Variants in PDE4C observed in about 807,000 individuals in gnomAD.
PDE4C encodes the protein phosphodiesterase 4C.
A neutral mutation model predicts 63.9 loss-of-function variants in PDE4C; 50 were observed. The ratio of observed to expected loss-of-function variants is 0.78; its 90% CI spans 0.62 to 0.99. The LOEUF (loss-of-function observed/expected upper bound fraction) is 0.99. Among genes scored for constraint, PDE4C ranks in the 50% least tolerant of loss-of-function variants. The probability of loss-of-function intolerance (pLI) is 0.00; values close to 1 mark genes in which losing one functional copy is unlikely to be tolerated. For missense variants in PDE4C, 777 were observed against 899.1 expected (o/e 0.86, Z 1.74); for synonymous variants, 377 against 385.1 (o/e 0.98, Z 0.25).
intron 1 of PDE4C, among the ~76,000 whole-genome samples, chr19:18,232,074 T>C (rs62120395): frequency 0.29 from 43,285 of 151,838 alleles, 6,316 homozygotes; most frequent in Middle Eastern, 0.33. Context: ...ATCTATAATA[T>C]ATTAAATAGG....
At chr19:18,233,076 G>T (rs867886084) in exon 1 of PDE4C, 1 of 1,570,444 alleles carries the variant, frequency 6.4e-7, no homozygotes, top group East Asian at 2.3e-5. Context: ...GATGCGGATG[G>T]GGCGCCGGGG....
rs1969111660 is a variant in PDE4C, at chr19:18,245,354, AG to A, written c.-210+2816del. Among the ~76,000 whole-genome samples, 7 of 151,868 alleles carry A rather than the reference AG, an allele frequency of 4.6e-5. No individual in the cohort carries two copies. The South Asian group carries it at 1.5e-3, about 32-fold the overall frequency. ...TATTTTTTGTATTTTTAGTAGAGAC[AG>A]GGTTTCTCCAGGTTGGCGAGGCTGG... On this transcript the variant is annotated intron_variant, in intron 1 of 15. Transcript: ENST00000594617.
At chr19:18,213,141 G>A (rs1968035199) in intron 13 of PDE4C, among the ~76,000 whole-genome samples, 1 of 151,366 alleles carries the variant, frequency 6.6e-6, no homozygotes, top group Non-Finnish European at 1.5e-5. Context: ...AAAATTAGCT[G>A]GGCGCGGTGC....
upstream of PDE4C, among the ~76,000 whole-genome samples, chr19:18,237,248 G>C (rs560387187): frequency 6.6e-6 from 1 of 152,238 alleles, no homozygotes; most frequent in South Asian, 2.1e-4. Flanking sequence ...AACGTGGGGG[G>C]ATATAAATAG....
At chr19:18,241,008 G>A (rs1600102658) in intron 1 of PDE4C, among the ~76,000 whole-genome samples, 3 of 152,144 alleles carry the variant, frequency 2.0e-5, no homozygotes. Context: ...CATCCTTCTA[G>A]GACTGTTCCC....
upstream of PDE4C, chr19:18,226,600 T>G: frequency 9.8e-5 from 35 of 356,564 alleles, no homozygotes; most frequent in East Asian, 1.4e-4. Flanking sequence ...CGCAACTCTC[T>G]GCTCCTTTTT....
chr19:18,213,555 C>A, intron 12 of PDE4C, 65 bp from the exon 13 acceptor site: 2 of 1,533,968 alleles, frequency 1.3e-6, no homozygotes, highest in Non-Finnish European at 1.8e-6. Flanking sequence ...TCACTCCCAA[C>A]TCCCAGATGC....
chr19:18,244,587 A>G (rs1445914879), intron 1 of PDE4C, among the ~76,000 whole-genome samples: 1 of 152,056 alleles, frequency 6.6e-6, no homozygotes, highest in African/African-American at 2.4e-5. Context: ...ATCTTGGCTC[A>G]CCGCAACCTC....
At chr19:18,232,779 G>A (rs1256939737) in intron 1 of PDE4C, among the ~76,000 whole-genome samples, 1 of 152,076 alleles carries the variant, frequency 6.6e-6, no homozygotes, top group African/African-American at 2.4e-5. Flanking sequence ...GATGACACCA[G>A]CACCCTCAGC....
chr19:18,237,594 C>T (rs1968973478), upstream of PDE4C, among the ~76,000 whole-genome samples: 1 of 150,584 alleles, frequency 6.6e-6, no homozygotes, highest in Non-Finnish European at 1.5e-5. Flanking sequence ...CTGGTCCAGC[C>T]AGGCCCAGTG....
upstream of PDE4C, among the ~76,000 whole-genome samples, chr19:18,227,249 C>T (rs528093960): frequency 3.3e-5 from 5 of 152,270 alleles, no homozygotes; most frequent in African/African-American, 1.2e-4. Flanking sequence ...ACTGAGGCTT[C>T]CATGGACGCG....
At chr19:18,221,040 A>C in intron 4 of PDE4C, 65 bp downstream of exon 4, 2 of 861,040 alleles carry the variant, frequency 2.3e-6, no homozygotes. Context: ...CTCAATTTGC[A>C]GCCCGCTTTC....
chr19:18,218,590 C>T, intron 9 of PDE4C, 92 bp from the exon 10 acceptor site: 4 of 1,380,456 alleles, frequency 2.9e-6, no homozygotes. Flanking sequence ...CTATCTATGC[C>T]TCAAGCACCT....
At chr19:18,244,599 G>A (rs151068749) in intron 1 of PDE4C, among the ~76,000 whole-genome samples, 17 of 151,988 alleles carry the variant, frequency 1.1e-4, no homozygotes, top group East Asian at 3.9e-4. Context: ...CGCAACCTCC[G>A]CCTCCTGGGT....
At chr19:18,240,436 A>AC (rs1555697555) in intron 1 of PDE4C, among the ~76,000 whole-genome samples, 1 of 150,044 alleles carries the variant, frequency 6.7e-6, no homozygotes. Context: ...AAAAAAAAAA[A>AC]AAAAAACGGG....
Position 18,218,136 on chromosome 19 carries a change from C to T in PDE4C, c.1234+13G>A. ...CACCTCTTCTCCTGCACCCACTTCC[C>T]ACTCCTACTTACTGGTGTTAATCAG... is the stretch of plus-strand genomic sequence containing the variant. On this transcript the variant is annotated intron_variant, in intron 11 of 14. Coordinates refer to ENST00000262805, the Ensembl canonical transcript of PDE4C. 2 of 1,601,240 alleles carry T rather than the reference C, an allele frequency of 1.2e-6. 1 individual carries two copies. Among genetic ancestry groups the T allele is most frequent in the South Asian group, 2.2e-5 (2 of 90,796 alleles).
chr19:18,239,114 T>A (rs562978541), intron 1 of PDE4C, among the ~76,000 whole-genome samples: 1 of 152,262 alleles, frequency 6.6e-6, no homozygotes, highest in South Asian at 2.1e-4. Context: ...CAATAGTACA[T>A]GGATGGGCTC....
intron 1 of PDE4C, among the ~76,000 whole-genome samples, chr19:18,245,322 C>T (rs1969111323): frequency 6.6e-6 from 1 of 152,058 alleles, no homozygotes; most frequent in South Asian, 2.1e-4. Flanking sequence ...TGTCACAACA[C>T]CCAGCTTATT....
chr19:18,233,123 G>A (rs758886027), exon 1 of PDE4C: 69 of 1,560,770 alleles, frequency 4.4e-5, no homozygotes, highest in Non-Finnish European at 5.4e-5. Flanking sequence ...TGGTCATGCT[G>A]TGGCGGCCGC....
Sources: allele counts gnomAD v4.1 joint callset (sites outside exome capture counted in the v4.1 genomes callset), GRCh38; gene constraint gnomAD v4.1.1; transcripts MANE v1.5; gene names NCBI Gene and HGNC (gene_info 2026-07-23, HGNC 2026-07-21).